Variants in IL15 observed in about 807,000 individuals in gnomAD.
The protein encoded by IL15 is interleukin 15, also known as interleukin-15.
Under a neutral mutation model 19.6 loss-of-function variants are expected in IL15, and 11 were observed. The observed-to-expected ratio is 0.56, with a 90% CI of 0.35 to 0.93. The LOEUF (loss-of-function observed/expected upper bound fraction) is 0.93. IL15 is among the 40% of genes least tolerant of loss of function. The pLI is 0.01. For missense variants in IL15, 197 were observed against 186.5 expected, an observed-to-expected ratio of 1.06 and a Z score of -0.33; for synonymous variants, 58 against 59.6, an observed-to-expected ratio of 0.97 and a Z score of 0.12.
rs76837937 is a variant in IL15, at chr4:141,642,932, C to T, written c.-222+6184C>T. On this transcript the variant is annotated intron_variant, in intron 1 of 7. Transcript: ENST00000320650. ...GTTGGTCAGAGTCTATTTGTATTGA[C>T]TTCAGCATGAGTCAATCATCTTTCA... Among the ~76,000 whole-genome samples, 1,483 of 152,268 alleles carry T rather than the reference C, an allele frequency of 9.7e-3. 24 individuals carry two copies. The highest frequency in any genetic ancestry group is 0.034 in the African/African-American group (1,426 of 41,556).
chr4:141,733,095 A>G lies in IL15; in HGVS notation c.*247A>G, dbSNP rs1730506310. On this transcript the variant is annotated 3_prime_UTR_variant, in exon 8 of 8. Coordinates refer to ENST00000320650, the MANE Select transcript of IL15 (RefSeq NM_000585.5). ...TTTTTTAATTTATTATTGAAATTGTACATATTTGTGGAATAATGTAAAATG... is the reference window on the plus strand; with the variant it reads ...TTTTTTAATTTATTATTGAAATTGTGCATATTTGTGGAATAATGTAAAATG... 2.8e-6 allele frequency: 1 copy of G among 361,550 alleles called. No individual in the cohort carries two copies. Among genetic ancestry groups the G allele is most frequent in the Non-Finnish European group, 4.6e-6 (1 of 217,244 alleles). 22.4% of individuals were successfully genotyped at this position (361,550 alleles called of 1,614,324 possible).
intron 2 of IL15, among the ~76,000 whole-genome samples, chr4:141,664,902 C>T (rs532143389): frequency 6.6e-6 from 1 of 151,950 alleles, no homozygotes; most frequent in African/African-American, 2.4e-5. Flanking sequence ...TACAAATTTG[C>T]AATTCCTTTA....
At chr4:141,712,760 A>C (rs1729753268) in intron 2 of IL15, among the ~76,000 whole-genome samples, 1 of 151,168 alleles carries the variant, frequency 6.6e-6, no homozygotes, top group African/African-American at 2.4e-5. Flanking sequence ...TCTTACTGCT[A>C]CCTCTGTCCC....
At chr4:141,678,169 T>C (rs1039626204) in intron 2 of IL15, among the ~76,000 whole-genome samples, 83 of 152,204 alleles carry the variant, frequency 5.5e-4, no homozygotes, top group African/African-American at 1.9e-3. Flanking sequence ...GAGATCCAGA[T>C]GGTCAGAAAT....
intron 2 of IL15, among the ~76,000 whole-genome samples, chr4:141,699,154 AT>A (rs1729198205): frequency 6.6e-6 from 1 of 152,128 alleles, no homozygotes; most frequent in African/African-American, 2.4e-5. Flanking sequence ...TCCTTTTGGA[AT>A]TGATTTCCAG....
intron 2 of IL15, among the ~76,000 whole-genome samples, chr4:141,683,927 A>G (rs1330066566): frequency 6.6e-6 from 1 of 152,232 alleles, no homozygotes; most frequent in East Asian, 1.9e-4. Context: ...TTGTAGAGAG[A>G]TTAATAACTA....
intron 2 of IL15, among the ~76,000 whole-genome samples, chr4:141,708,918 T>C (rs1391824351): frequency 1.3e-5 from 2 of 152,140 alleles, no homozygotes; most frequent in Non-Finnish European, 2.9e-5. Flanking sequence ...ACTTCCTCTT[T>C]TATTCAGGAT....
chr4:141,657,116 G>A (rs1727634717), intron 2 of IL15, among the ~76,000 whole-genome samples: 1 of 152,126 alleles, frequency 6.6e-6, no homozygotes, highest in African/African-American at 2.4e-5. Flanking sequence ...CTACAAACCT[G>A]TACAGCATGT....
At chr4:141,680,859 A>C (rs567617676) in intron 2 of IL15, among the ~76,000 whole-genome samples, 1 of 152,296 alleles carries the variant, frequency 6.6e-6, no homozygotes, top group Admixed American at 6.5e-5. Flanking sequence ...TCATTACCCT[A>C]GGTAGAGCTC....
At chr4:141,666,830 G>T (rs1293331338) in intron 2 of IL15, among the ~76,000 whole-genome samples, 1 of 152,160 alleles carries the variant, frequency 6.6e-6, no homozygotes, top group African/African-American at 2.4e-5. Context: ...CAGGAAGAAG[G>T]AATGCTGCAC....
intron 2 of IL15, among the ~76,000 whole-genome samples, chr4:141,699,880 T>C: frequency 6.6e-6 from 1 of 152,130 alleles, no homozygotes; most frequent in Non-Finnish European, 1.5e-5. Context: ...CCTAGATACT[T>C]TCTTTTTTAT....
At chr4:141,724,178 C>A (rs1730184347) in intron 5 of IL15, among the ~76,000 whole-genome samples, 1 of 151,920 alleles carries the variant, frequency 6.6e-6, no homozygotes, top group Admixed American at 6.6e-5. Context: ...ACGGGCAAAT[C>A]TCCAAATGCT....
intron 1 of IL15, among the ~76,000 whole-genome samples, chr4:141,639,833 G>T (rs1220365918): frequency 1.3e-5 from 2 of 152,152 alleles, no homozygotes; most frequent in African/African-American, 4.8e-5. Flanking sequence ...ATAGGAATGG[G>T]TTGGATGGAA....
intron 2 of IL15, among the ~76,000 whole-genome samples, chr4:141,659,042 T>C (rs1425028154): frequency 3.9e-5 from 6 of 151,998 alleles, no homozygotes; most frequent in African/African-American, 1.4e-4. Flanking sequence ...TTTGTATTTT[T>C]AGTAGAGACG....
At chr4:141,685,244 A>G (rs1316664667) in intron 2 of IL15, among the ~76,000 whole-genome samples, 1 of 152,204 alleles carries the variant, frequency 6.6e-6, no homozygotes, top group Non-Finnish European at 1.5e-5. Context: ...ATTTTATCTA[A>G]AGTTTGGATA....
Position 141,655,476 on chromosome 4 carries a change from A to G in IL15, c.-221-710A>G, listed in dbSNP as rs140022002. 9.7e-4 allele frequency among the ~76,000 whole-genome samples: 148 copies of G among 152,218 alleles called. 1 individual carries two copies. Among genetic ancestry groups the G allele is most frequent in the African/African-American group, 3.2e-3 (133 of 41,548 alleles). On this transcript the variant is annotated intron_variant, in intron 1 of 7. Transcript: ENST00000320650. ...TAAAAAACCTTAATCTTTTTCTTCA[A>G]CACAAAGCTTCATGCGGATTCTTGG...
rs1730532316 is a variant in IL15 at position 141,733,736 on chromosome 4, G to GA, written c.*892dup. On this transcript the variant is annotated 3_prime_UTR_variant, in exon 8 of 8. Coordinates refer to ENST00000320650, the MANE Select transcript of IL15 (RefSeq NM_000585.5). ...CAAAAGATTGGATGCCCCTGGTATAGAAAACTAATAGTGACAGTGTTCATA... is the reference window on the plus strand; with the variant it reads ...CAAAAGATTGGATGCCCCTGGTATAGAAAAACTAATAGTGACAGTGTTCATA... 6.6e-6 allele frequency: 1 copy of GA among 152,160 alleles called. No homozygotes were observed. The highest frequency in any genetic ancestry group is 2.1e-4 in the South Asian group (1 of 4,830). The allele number at this position is 152,160 out of a possible 1,614,324, so 9.4% of individuals were successfully genotyped here.
intron 2 of IL15, among the ~76,000 whole-genome samples, chr4:141,699,040 C>A (rs562136348): frequency 6.6e-6 from 1 of 152,100 alleles, no homozygotes; most frequent in Non-Finnish European, 1.5e-5. Flanking sequence ...TATTATCATT[C>A]CTTTCAAAGG....
chr4:141,682,928 G>A (rs1728581467), intron 2 of IL15, among the ~76,000 whole-genome samples: 1 of 151,678 alleles, frequency 6.6e-6, no homozygotes, highest in Non-Finnish European at 1.5e-5. Flanking sequence ...CTCCAACCTG[G>A]GCGACAAAGC....
Sources: gnomAD v4.1 joint callset for allele counts (sites outside exome capture counted in the v4.1 genomes callset) on GRCh38, gnomAD v4.1.1 for gene constraint, MANE v1.5 for transcripts, NCBI Gene and HGNC (gene_info 2026-07-23, HGNC 2026-07-21) for gene names.